Variants in NDEL1 observed in about 807,000 individuals in gnomAD.
NDEL1 encodes nudE neurodevelopment protein 1 like 1, also known as nuclear distribution protein nudE-like 1.
NDEL1 carries 9 observed loss-of-function variants against 45.7 expected under a neutral mutation model. The ratio of observed to expected loss-of-function variants is 0.20; its 90% CI spans 0.12 to 0.34. NDEL1 has a LOEUF of 0.34. Ranked by LOEUF, NDEL1 falls within the 10% of genes least tolerant of loss-of-function variation. NDEL1 has a pLI of 1.00. For missense variants in NDEL1, 306 were observed against 406.2 expected (o/e 0.75, Z 2.12); for synonymous variants, 133 against 158.6 (o/e 0.84, Z 1.21).
At chr17:8,459,506 T>G (rs564086641) in intron 7 of NDEL1, among the ~76,000 whole-genome samples, 199 of 152,306 alleles carry the variant, frequency 1.3e-3, no homozygotes, top group African/African-American at 4.6e-3. Flanking sequence ...GCTTTTAATT[T>G]CATGTAAAGT....
chr17:8,414,768 C>T (rs1438425272), intron 1 of NDEL1, among the ~76,000 whole-genome samples: 6 of 152,172 alleles, frequency 3.9e-5, no homozygotes, highest in Non-Finnish European at 7.4e-5. Context: ...GATCCTCCCA[C>T]CTCAGCCTCC....
chr17:8,448,287 A>G (rs1048927926), intron 4 of NDEL1, among the ~76,000 whole-genome samples: 3 of 152,214 alleles, frequency 2.0e-5, no homozygotes, highest in African/African-American at 7.2e-5. Flanking sequence ...CACAGTGGAG[A>G]TATAAATAGT....
chr17:8,472,783 C>CAG (rs1911887196), downstream of NDEL1, among the ~76,000 whole-genome samples: 1 of 152,314 alleles, frequency 6.6e-6, no homozygotes, highest in East Asian at 1.9e-4. Context: ...GTGGCAAGGG[C>CAG]AGAGCGCTTA....
intron 1 of NDEL1, among the ~76,000 whole-genome samples, chr17:8,425,160 T>C (rs950861958): frequency 6.6e-6 from 1 of 152,262 alleles, no homozygotes; most frequent in Non-Finnish European, 1.5e-5. Flanking sequence ...CTACTTTGAA[T>C]GTGTTTGATT....
intron 1 of NDEL1, among the ~76,000 whole-genome samples, chr17:8,415,987 TCCAC>T (rs1908538887): frequency 6.6e-6 from 1 of 152,122 alleles, no homozygotes; most frequent in African/African-American, 2.4e-5. Flanking sequence ...GACCTCGTGA[TCCAC>T]CCGTCTCCGC....
chr17:8,454,698 TA>T, intron 6 of NDEL1, 97 bp from the exon 7 acceptor site: 1 of 807,484 alleles, frequency 1.2e-6, no homozygotes. Context: ...AGTTTGTTGA[TA>T]TTGTATTGAG....
At chr17:8,434,017 A>G (rs939408238), upstream of NDEL1, among the ~76,000 whole-genome samples, 3 of 152,178 alleles carry the variant, frequency 2.0e-5, no homozygotes, top group Non-Finnish European at 2.9e-5. Flanking sequence ...CCTCAAAAAT[A>G]TAAACTGGGC....
rs1911636615 is a variant in NDEL1 at position 8,466,967 on chromosome 17, G to A, written c.982G>A (p.Gly328Ser). 2 of 1,614,056 alleles carry A rather than the reference G, an allele frequency of 1.2e-6. No homozygotes were observed. The highest frequency in any genetic ancestry group is 1.7e-5 in the Admixed American group (1 of 60,000). The stretch of plus-strand genomic sequence containing the variant: ...CTTTGACCCCGCTCCTCCTCCTCCT[G>A]GTCTGGGCTCCTCGCGTCCATCGTC... ...NGFDPAPPPP[G>S]LGSSRPSSAP... The change falls in exon 9 of 9, where the codon GGT (glycine) becomes AGT (serine). Residue 328 changes from glycine to serine, a missense_variant. Gly to Ser is a moderately conservative substitution (Grantham distance 56). This residue lies in a region of NDEL1 where 175 missense variants were observed against 205.2 expected (regional missense o/e 0.85). Coordinates refer to ENST00000334527, the MANE Select transcript of NDEL1 (RefSeq NM_030808.5).
At chr17:8,449,040 T>C (rs758653577) in intron 5 of NDEL1, among the ~76,000 whole-genome samples, 2 of 152,258 alleles carry the variant, frequency 1.3e-5, no homozygotes, top group Non-Finnish European at 2.9e-5. Flanking sequence ...TGGAGTGCAA[T>C]GGCACAATCT....
chr17:8,445,827 A>G lies in NDEL1; in HGVS notation c.203A>G (p.Asp68Gly). 6.4e-7 allele frequency: 1 copy of G among 1,564,256 alleles called. No individual in the cohort carries two copies. The highest frequency in any genetic ancestry group is 8.6e-7 in the Non-Finnish European group (1 of 1,160,206). Residue 68 changes from aspartate to glycine, a missense_variant, in exon 3 of 9, where the codon GAT becomes GGT. Asp to Gly is a moderately conservative substitution (Grantham distance 94). This residue lies in a region of NDEL1 where 112 missense variants were observed against 148.3 expected (regional missense o/e 0.76). Transcript: ENST00000334527. ...CAAAGAAATAGAGACTTGCAGGCTGATAACCAAAGACTGAAATATGAAGTG... is the reference window on the plus strand; with the variant it reads ...CAAAGAAATAGAGACTTGCAGGCTGGTAACCAAAGACTGAAATATGAAGTG... ...AEQRNRDLQA[D>G]NQRLKYEVEA...
At chr17:8,416,536 T>A (rs1221960396) in intron 1 of NDEL1, among the ~76,000 whole-genome samples, 2 of 152,202 alleles carry the variant, frequency 1.3e-5, no homozygotes, top group Non-Finnish European at 2.9e-5. Context: ...TGAAGTCTTC[T>A]GCTATTATGA....
intron 1 of NDEL1, among the ~76,000 whole-genome samples, chr17:8,443,535 A>G (rs1476337190): frequency 6.6e-6 from 1 of 152,114 alleles, no homozygotes; most frequent in African/African-American, 2.4e-5. Flanking sequence ...AGGGGGTGCT[A>G]GGAAGCAGTA....
chr17:8,423,079 G>T (rs1056324911), intron 1 of NDEL1, among the ~76,000 whole-genome samples: 44 of 152,274 alleles, frequency 2.9e-4, no homozygotes, highest in African/African-American at 1.0e-3. Flanking sequence ...ATCTCATAGG[G>T]ATGGATGAAA....
At chr17:8,448,797 C>A in intron 5 of NDEL1, 111 bp downstream of exon 5, 1 of 1,116,828 alleles carries the variant, frequency 9.0e-7, no homozygotes, top group Non-Finnish European at 1.3e-6. Flanking sequence ...ATTGAAAATA[C>A]AGTATTCACG....
downstream of NDEL1, among the ~76,000 whole-genome samples, chr17:8,471,322 G>T (rs542142912): frequency 6.6e-6 from 1 of 152,294 alleles, no homozygotes; most frequent in African/African-American, 2.4e-5. Flanking sequence ...GGCTAATTTT[G>T]TATTTCCCAT....
Position 8,445,833 on chromosome 17 carries a change from A to G in NDEL1, c.209A>G (p.Gln70Arg). 2 of 1,559,042 alleles carry G rather than the reference A, an allele frequency of 1.3e-6. No homozygotes were observed. Among genetic ancestry groups the G allele is most frequent in the Non-Finnish European group, 8.6e-7 (1 of 1,157,810 alleles). Residue 70 changes from glutamine (Q) to arginine (R), a missense_variant, in exon 3 of 9, where the codon CAA becomes CGA. Coordinates refer to ENST00000334527, the MANE Select transcript of NDEL1 (RefSeq NM_030808.5). ...QRNRDLQADN[Q>R]RLKYEVEALK... is the part of the protein sequence containing the mutation. ...AATAGAGACTTGCAGGCTGATAACC[A>G]AAGACTGAAATATGAAGTGGAGGCA...
upstream of NDEL1, among the ~76,000 whole-genome samples, chr17:8,435,614 C>G (rs986103491): frequency 6.6e-6 from 1 of 152,206 alleles, no homozygotes; most frequent in East Asian, 1.9e-4. Flanking sequence ...AAACTGAAGG[C>G]AGGTTCCCAT....
At chr17:8,453,128 A>C (rs1019329354) in intron 6 of NDEL1, among the ~76,000 whole-genome samples, 2 of 152,226 alleles carry the variant, frequency 1.3e-5, no homozygotes, top group Non-Finnish European at 2.9e-5. Context: ...TGAATAGGGA[A>C]AAATGAGATC....
intron 1 of NDEL1, among the ~76,000 whole-genome samples, chr17:8,425,928 A>T (rs1405655281): frequency 6.6e-6 from 1 of 152,134 alleles, no homozygotes; most frequent in East Asian, 1.9e-4. Context: ...AATAGCTAGG[A>T]TTACAAATGT....
Sources: gnomAD v4.1 joint callset for allele counts (sites outside exome capture counted in the v4.1 genomes callset) on GRCh38, gnomAD v4.1.1 for gene constraint, gnomAD v4.1.1 regional missense constraint, MANE v1.5 for transcripts, NCBI Gene and HGNC (gene_info 2026-07-23, HGNC 2026-07-21) for gene names.